Variants in KCTD20 observed in about 807,000 individuals in gnomAD.
KCTD20 encodes BTB/POZ domain-containing protein KCTD20.
A neutral mutation model predicts 39.6 loss-of-function variants in KCTD20; 30 were observed. The observed-to-expected ratio is 0.76, with a 90% CI of 0.57 to 1.03. The LOEUF is 1.03. Among genes scored for constraint, KCTD20 ranks in the 50% least tolerant of loss-of-function variants. The probability of loss-of-function intolerance (pLI) is 0.00; values close to 1 mark genes in which losing one functional copy is unlikely to be tolerated. For synonymous variants in KCTD20, 162 were observed against 180.6 expected (o/e 0.90, Z 0.83); for missense variants, 422 against 522.0 (o/e 0.81, Z 1.87).
chr6:36,486,899 AG>A lies in KCTD20; in HGVS notation c.985del (p.Glu329LysfsTer51). On this transcript the variant is annotated frameshift_variant, in exon 8 of 8. Transcript: ENST00000373731. LOFTEE classifies it high-confidence loss of function. ...IGIEGYPTCK[E>X]KIKRRPGGRS... ...CCATTGCAGGTTACCCTACCTGTAAAGAAAAAATTAAGAGAAGGCCTGGCGG... is the reference window on the plus strand; with the variant it reads ...CCATTGCAGGTTACCCTACCTGTAAAAAAAAATTAAGAGAAGGCCTGGCGG... 6.2e-7 allele frequency: 1 copy of A among 1,612,746 alleles called. No individual in the cohort carries two copies. The highest frequency in any genetic ancestry group is 8.5e-7 in the Non-Finnish European group (1 of 1,179,506).
chr6:36,481,885 C>A, intron 6 of KCTD20, 126 bp downstream of exon 6: 1 of 776,234 alleles, frequency 1.3e-6, no homozygotes, highest in Non-Finnish European at 2.2e-6. Flanking sequence ...ACCTGGATGA[C>A]AAATCCCTAG....
At chr6:36,459,913 T>C (rs184172502) in intron 1 of KCTD20, among the ~76,000 whole-genome samples, 2 of 152,254 alleles carry the variant, frequency 1.3e-5, no homozygotes, top group African/African-American at 4.8e-5. Context: ...CTGTATTTAC[T>C]AATATACTTT....
chr6:36,484,847 AGTC>A, intron 7 of KCTD20, 23 bp downstream of exon 7: 13 of 1,384,966 alleles, frequency 9.4e-6, no homozygotes, highest in African/African-American at 1.4e-5. Context: ...AAAAAATCCC[AGTC>A]AACATTCAGG....
At chr6:36,467,461 C>T (rs1775793353) in intron 1 of KCTD20, among the ~76,000 whole-genome samples, 1 of 144,432 alleles carries the variant, frequency 6.9e-6, no homozygotes, top group African/African-American at 2.5e-5. Flanking sequence ...GCCTCAGCCT[C>T]CCGAGTAGCT....
In KCTD20 at chr6:36,484,790, A is replaced by G; in HGVS notation, c.933A>G (p.Glu311=). The stretch of plus-strand genomic sequence containing the variant: ...ATGTTGCAAAAACAGTGTTAAAGGA[A>G]CGGGGCCTAAAAAACATTCGCATTG... ...NRDVAKTVLK[E]RGLKNIRIGI... The change falls in exon 7 of 8, where the codon GAA becomes GAG. Residue 311 remains glutamate, a synonymous_variant. Transcript: ENST00000373731. 1 of 1,605,072 alleles carries G rather than the reference A, an allele frequency of 6.2e-7. No individual in the cohort carries two copies. The highest frequency in any genetic ancestry group is 1.1e-5 in the South Asian group (1 of 90,116).
chr6:36,480,621 G>A (rs1776215567), intron 5 of KCTD20, among the ~76,000 whole-genome samples: 1 of 151,964 alleles, frequency 6.6e-6, no homozygotes. Flanking sequence ...GAGTGCAGTG[G>A]CACAATCTCA....
rs1390829102 is a variant in KCTD20 at position 36,451,965 on chromosome 6, C to T, written c.-47+8854C>T. Among the ~76,000 whole-genome samples the T allele has an allele frequency of 2.6e-5, 4 of 152,126 alleles. 1 individual carries two copies. Among genetic ancestry groups the T allele is most frequent in the South Asian group, 4.1e-4 (2 of 4,828 alleles). ...AGCTGGAATTACAGGTACACACCAC[C>T]ATGCCCAGCTAATTTTTGTATTTTT... is the stretch of plus-strand genomic sequence containing the variant. On this transcript the variant is annotated intron_variant, in intron 1 of 7. Transcript: ENST00000373731.
At chr6:36,483,244 A>G (rs1025236431) in intron 6 of KCTD20, among the ~76,000 whole-genome samples, 1 of 131,162 alleles carries the variant, frequency 7.6e-6, no homozygotes, top group African/African-American at 2.8e-5. Flanking sequence ...CTACCCCCTC[A>G]CCAAAACAGT....
intron 7 of KCTD20, among the ~76,000 whole-genome samples, chr6:36,485,586 T>C (rs887890958): frequency 6.8e-6 from 1 of 147,074 alleles, no homozygotes; most frequent in African/African-American, 2.5e-5. Context: ...CTCCGCCTCC[T>C]GGGTTCACGC....
At chr6:36,481,537 G>T (rs763334484) in intron 5 of KCTD20, 25 bp from the exon 6 acceptor site, 87 of 1,563,224 alleles carry the variant, frequency 5.6e-5, no homozygotes, top group Non-Finnish European at 7.1e-6. Flanking sequence ...CAGAAAGCAT[G>T]TTCACCTACA....
In KCTD20 at chr6:36,488,033, T is replaced by TA. The variant is rs1776478909; in HGVS notation, c.*859dup. 6.6e-6 allele frequency: 1 copy of TA among 152,234 alleles called. No individual in the cohort carries two copies. Among genetic ancestry groups the TA allele is most frequent in the African/African-American group, 2.4e-5 (1 of 41,464 alleles). The allele number at this position is 152,234 out of a possible 1,614,324, so 9.4% of individuals were successfully genotyped here. ...GTGGATATGTCCAGGAGACCTTAGA[T>TA]ATGGCTTAAAGGCTTTCAAGATGAG... On this transcript the variant is annotated 3_prime_UTR_variant, in exon 8 of 8. Coordinates refer to ENST00000373731, the MANE Select transcript of KCTD20 (RefSeq NM_173562.5).
rs575864356 is a variant in KCTD20, at chr6:36,471,941, C to T, written c.160+1684C>T. The stretch of plus-strand genomic sequence containing the variant: ...TCGGCTCACTGCAAGCTCCGCCTCC[C>T]GGGTTCACGCTATTCTCCTGCCTCA... On this transcript the variant is annotated intron_variant, in intron 2 of 7. Transcript: ENST00000373731. Among the ~76,000 whole-genome samples the T allele has an allele frequency of 7.9e-5, 12 of 152,066 alleles. No individual in the cohort carries two copies. In the South Asian group the frequency reaches 1.9e-3, roughly 24 times the overall value.
At chr6:36,458,398 G>A (rs1381615926) in intron 1 of KCTD20, among the ~76,000 whole-genome samples, 10 of 151,660 alleles carry the variant, frequency 6.6e-5, no homozygotes, top group South Asian at 2.1e-4. Context: ...AAAATTAGCC[G>A]GGCGTGGTGG....
Position 36,478,322 on chromosome 6 carries a change from T to C in KCTD20, c.435-799T>C, listed in dbSNP as rs914133545. On this transcript the variant is annotated intron_variant, in intron 3 of 7. Coordinates refer to ENST00000373731, the MANE Select transcript of KCTD20 (RefSeq NM_173562.5). Reference sequence around the variant, plus strand: ...CACAGAAGTGCAGCAGGAGTGGAAGTCATGGGGTCATTTAGACTGCAAGGG... The same window carrying C: ...CACAGAAGTGCAGCAGGAGTGGAAGCCATGGGGTCATTTAGACTGCAAGGG... Among the ~76,000 whole-genome samples the C allele has an allele frequency of 8.5e-5, 13 of 152,078 alleles. 1 individual carries two copies. The highest frequency in any genetic ancestry group is 3.1e-4 in the African/African-American group (13 of 41,402).
At chr6:36,470,386 A>G in intron 2 of KCTD20, 129 bp downstream of exon 2, 3 of 853,524 alleles carry the variant, frequency 3.5e-6, no homozygotes, top group South Asian at 1.9e-5. Flanking sequence ...GCATGTCACA[A>G]TTACATAAAG....
At chr6:36,447,488 G>C (rs1775081968) in intron 1 of KCTD20, among the ~76,000 whole-genome samples, 1 of 151,866 alleles carries the variant, frequency 6.6e-6, no homozygotes, top group South Asian at 2.1e-4. Context: ...AAATTAGCTG[G>C]GCATGTTGGC....
intron 3 of KCTD20, among the ~76,000 whole-genome samples, chr6:36,475,636 C>T (rs1028908775): frequency 1.3e-5 from 2 of 151,910 alleles, no homozygotes; most frequent in Non-Finnish European, 2.9e-5. Flanking sequence ...GAAAAAATAA[C>T]CTGCTAAATC....
chr6:36,461,293 C>T (rs1423208423), intron 1 of KCTD20, among the ~76,000 whole-genome samples: 1 of 152,066 alleles, frequency 6.6e-6, no homozygotes, highest in Admixed American at 6.6e-5. Flanking sequence ...ATTTTTTAAA[C>T]ATCTACCAGA....
chr6:36,461,849 G>A lies in KCTD20; in HGVS notation c.-46-8203G>A, dbSNP rs117957623. Among the ~76,000 whole-genome samples, 39 of 152,252 alleles carry A rather than the reference G, an allele frequency of 2.6e-4. 1 individual carries two copies. In the East Asian group the frequency reaches 7.5e-3, roughly 29 times the overall value. On this transcript the variant is annotated intron_variant, in intron 1 of 7. Coordinates refer to ENST00000373731, the MANE Select transcript of KCTD20 (RefSeq NM_173562.5). ...TCATTGTACTTTTATCTGTCAGCTTGTTAGCCTGGCCTGTGATTTGTAGAG... is the reference window on the plus strand; with the variant it reads ...TCATTGTACTTTTATCTGTCAGCTTATTAGCCTGGCCTGTGATTTGTAGAG...
Sources: gnomAD v4.1 joint callset for allele counts (sites outside exome capture counted in the v4.1 genomes callset) on GRCh38, gnomAD v4.1.1 for gene constraint, MANE v1.5 for transcripts, NCBI Gene and HGNC (gene_info 2026-07-23, HGNC 2026-07-21) for gene names.